The following ATXN1 variants were observed in gnomAD, a reference collection of about 807,000 sequenced individuals.
ATXN1 encodes the protein ataxin 1, also known as ataxin-1.
In ATXN1, 8 loss-of-function variants were observed where a neutral mutation model predicts 56.4. That is an observed-to-expected ratio of 0.14 (90% CI 0.08 to 0.26). The LOEUF (loss-of-function observed/expected upper bound fraction) is 0.26. ATXN1 is among the 10% of genes least tolerant of loss of function. ATXN1 has a pLI of 1.00. For missense variants in ATXN1, 987 were observed against 1,106.5 expected (o/e 0.89, Z 1.53); for synonymous variants, 514 against 494.6 (o/e 1.04, Z -0.52).
In ATXN1 at chr6:16,299,990, C is replaced by T. The variant is rs1380001438; in HGVS notation, c.*6339G>A. 6.5e-6 allele frequency: 1 copy of T among 152,682 alleles called. No individual in the cohort carries two copies. 9.5% of individuals were successfully genotyped at this position (152,682 alleles called of 1,614,324 possible). A position where few individuals can be genotyped will look rare whatever the true frequency, so the allele number is the denominator to read the frequency against. On this transcript the variant is annotated 3_prime_UTR_variant, in exon 8 of 8. Coordinates refer to ENST00000436367, the MANE Select transcript of ATXN1 (RefSeq NM_001128164.2). ...ACCTGTGCACCGAGCTTCTTGGTAA[C>T]TGCTCTGAAGACAACAGCTTGAGCT...
chr6:16,351,490 C>A (rs1761566484), intron 6 of ATXN1, among the ~76,000 whole-genome samples: 1 of 151,606 alleles, frequency 6.6e-6, no homozygotes, highest in Non-Finnish European at 1.5e-5. Flanking sequence ...GTAGCTTCGA[C>A]CTCCCAGGCT....
Position 16,596,700 on chromosome 6 carries a change from A to C in ATXN1, c.-488-10793T>G, listed in dbSNP as rs139944366. The stretch of plus-strand genomic sequence containing the variant: ...AATTCCTCTGGGAAATGAGGTCAGA[A>C]TCCACTTCCCACCCAAAGCACCTCA... On this transcript the variant is annotated intron_variant, in intron 3 of 7. Transcript: ENST00000436367. Among the ~76,000 whole-genome samples the C allele has an allele frequency of 1.8e-4, 28 of 152,294 alleles. No individual in the cohort carries two copies. In the East Asian group the frequency reaches 4.6e-3, roughly 25 times the overall value.
At chr6:16,437,615 G>C (rs1759421567) in intron 6 of ATXN1, among the ~76,000 whole-genome samples, 1 of 152,130 alleles carries the variant, frequency 6.6e-6, no homozygotes, top group African/African-American at 2.4e-5. Context: ...GGATACTTTT[G>C]TTGTATTATT....
intron 3 of ATXN1, among the ~76,000 whole-genome samples, chr6:16,627,708 C>T (rs1450287279): frequency 6.6e-6 from 1 of 152,064 alleles, no homozygotes; most frequent in Non-Finnish European, 1.5e-5. Context: ...GCCTGGGTGG[C>T]AGAGCAAGAC....
At chr6:16,468,297 C>T (rs1000964663) in intron 6 of ATXN1, among the ~76,000 whole-genome samples, 23 of 152,284 alleles carry the variant, frequency 1.5e-4, no homozygotes, top group Non-Finnish European at 2.9e-4. Context: ...GCCATTCTCC[C>T]GCCTCAGCCT....
intron 2 of ATXN1, among the ~76,000 whole-genome samples, chr6:16,680,903 G>C (rs1467876805): frequency 6.6e-6 from 1 of 152,142 alleles, no homozygotes; most frequent in Non-Finnish European, 1.5e-5. Context: ...CTTTGAGAAT[G>C]GTTGGAATTA....
At chr6:16,484,602 C>A (rs941135322) in intron 6 of ATXN1, among the ~76,000 whole-genome samples, 23 of 152,080 alleles carry the variant, frequency 1.5e-4, no homozygotes, top group Non-Finnish European at 5.9e-5. Context: ...TTCCACTAGA[C>A]CCAACGTGTA....
chr6:16,320,836 G>A lies in ATXN1; in HGVS notation c.1917+5558C>T, dbSNP rs186343017. 1.3e-4 allele frequency among the ~76,000 whole-genome samples: 20 copies of A among 152,340 alleles called. No homozygotes were observed. The East Asian group carries it at 2.5e-3, about 19-fold the overall frequency. On this transcript the variant is annotated intron_variant, in intron 7 of 7. Transcript: ENST00000436367. ...ATCATTTAGCCTTAGAAACAGGAAC[G>A]GCGGGAAGGGTGCTCGCCTCGGCCA...
At chr6:16,609,612 A>G (rs1763069240) in intron 3 of ATXN1, among the ~76,000 whole-genome samples, 2 of 152,240 alleles carry the variant, frequency 1.3e-5, no homozygotes, top group Non-Finnish European at 2.9e-5. Flanking sequence ...GACCGAGGAA[A>G]GGAGTCCAAC....
chr6:16,439,537 A>AG (rs904376863), intron 6 of ATXN1, among the ~76,000 whole-genome samples: 1 of 151,778 alleles, frequency 6.6e-6, no homozygotes, highest in African/African-American at 2.4e-5. Flanking sequence ...ATGAATTAGT[A>AG]GTGGTTGGTT....
In ATXN1 at chr6:16,731,454, C is replaced by CTTTTTTTT. The variant is rs71559655; in HGVS notation, c.-615+21771_-615+21778dup. 9.3e-3 allele frequency among the ~76,000 whole-genome samples: 761 copies of CTTTTTTTT among 81,648 alleles called. 44 individuals carry two copies. The highest frequency in any genetic ancestry group is 0.012 in the Non-Finnish European group (477 of 40,208). 53.6% of individuals were successfully genotyped at this position (81,648 alleles called of 152,430 possible). On this transcript the variant is annotated intron_variant, in intron 2 of 7. Coordinates refer to ENST00000436367, the MANE Select transcript of ATXN1 (RefSeq NM_001128164.2). ...ACGAGAGAGGCTTTTTTTTTCTTTTCTTTTTTTTTTTTTTTTTTTTTTTTT... is the reference window on the plus strand; with the variant it reads ...ACGAGAGAGGCTTTTTTTTTCTTTTCTTTTTTTTTTTTTTTTTTTTTTTTTTTTTTTTT...
chr6:16,752,749 C>T (rs1027789131), intron 2 of ATXN1, among the ~76,000 whole-genome samples: 8 of 152,142 alleles, frequency 5.3e-5, no homozygotes, highest in Admixed American at 4.6e-4. Context: ...ACTTACTGTA[C>T]GTGGGAAAAT....
rs2299060 is a variant in ATXN1 at position 16,650,168 on chromosome 6, A to G, written c.-489+7608T>C. On this transcript the variant is annotated intron_variant, in intron 3 of 7. Coordinates refer to ENST00000436367, the MANE Select transcript of ATXN1 (RefSeq NM_001128164.2). ...CAGAGAACAAGAGTCTCATGCGAGAAGAAACAACAGGGACAGGTGCATGGT... is the reference window on the plus strand; with the variant it reads ...CAGAGAACAAGAGTCTCATGCGAGAGGAAACAACAGGGACAGGTGCATGGT... Among the ~76,000 whole-genome samples, 89 of 152,322 alleles carry G rather than the reference A, an allele frequency of 5.8e-4. No homozygotes were observed. In the East Asian group the frequency reaches 0.014, roughly 25 times the overall value.
At chr6:16,414,438 A>G (rs1478225560) in intron 6 of ATXN1, among the ~76,000 whole-genome samples, 1 of 152,248 alleles carries the variant, frequency 6.6e-6, no homozygotes, top group Non-Finnish European at 1.5e-5. Context: ...AGCTATTATA[A>G]GAAAGCTAAA....
intron 6 of ATXN1, among the ~76,000 whole-genome samples, chr6:16,484,947 A>ATG (rs35749735): frequency 0.031 from 3,969 of 126,008 alleles, 78 homozygotes; most frequent in East Asian, 0.07. Flanking sequence ...CTAAATATAT[A>ATG]TGTGTGTGTG....
intron 6 of ATXN1, among the ~76,000 whole-genome samples, chr6:16,436,269 A>G (rs150787590): frequency 3.6e-4 from 55 of 152,146 alleles, no homozygotes; most frequent in Admixed American, 1.3e-3. Context: ...AATAAATGCT[A>G]ATTTTATATT....
chr6:16,479,766 T>C (rs1760397712), intron 6 of ATXN1, among the ~76,000 whole-genome samples: 1 of 152,228 alleles, frequency 6.6e-6, no homozygotes, highest in Non-Finnish European at 1.5e-5. Context: ...GGTTTTTCTG[T>C]ACAAAGTTCA....
chr6:16,396,241 A>T (rs1758457014), intron 6 of ATXN1, among the ~76,000 whole-genome samples: 1 of 151,770 alleles, frequency 6.6e-6, no homozygotes, highest in Non-Finnish European at 1.5e-5. Context: ...TTTGTGTCTT[A>T]GTTTTTAACA....
chr6:16,328,676 C>T lies in ATXN1; in HGVS notation c.-160-206G>A, dbSNP rs996697745. Among the ~76,000 whole-genome samples the T allele has an allele frequency of 3.9e-5, 6 of 151,926 alleles. No homozygotes were observed. The highest frequency in any genetic ancestry group is 2.1e-4 in the South Asian group (1 of 4,816). On this transcript the variant is annotated intron_variant, in intron 6 of 7. Transcript: ENST00000436367. This position sits in a 1 kb window ranked among gnomAD's most constrained non-coding sequence, Gnocchi z 6.2. ...AACACTAGCCAACACTTTGGGAGGC[C>T]GAGGCAGGCAGATCACGAGGTCAGG...
Sources: allele counts gnomAD v4.1 joint callset (sites outside exome capture counted in the v4.1 genomes callset), GRCh38; gene constraint gnomAD v4.1.1; non-coding constraint Gnocchi (gnomAD v3.1); transcripts MANE v1.5; gene names NCBI Gene and HGNC (gene_info 2026-07-23, HGNC 2026-07-21).